KAT6A: variants seen among roughly 807,000 people sequenced by gnomAD.
The protein encoded by KAT6A is lysine acetyltransferase 6A.
A neutral mutation model predicts 198.4 loss-of-function variants in KAT6A; 9 were observed. The observed-to-expected ratio is 0.05, with a 90% CI of 0.03 to 0.08. The LOEUF is 0.08. Ranked by LOEUF, KAT6A falls within the 10% of genes least tolerant of loss-of-function variation. KAT6A has a pLI of 1.00. For synonymous variants in KAT6A, 890 were observed against 883.0 expected (o/e 1.01, Z -0.14); for missense variants, 2,077 against 2,509.9 (o/e 0.83, Z 3.69).
intron 2 of KAT6A, among the ~76,000 whole-genome samples, chr8:42,002,131 A>G (rs1021984095): frequency 2.0e-5 from 3 of 152,120 alleles, no homozygotes; most frequent in Admixed American, 6.6e-5. Context: ...AGACCTCACA[A>G]CTGTCCTATG....
At chr8:42,001,693 C>T (rs1475118155) in intron 2 of KAT6A, among the ~76,000 whole-genome samples, 2 of 152,136 alleles carry the variant, frequency 1.3e-5, no homozygotes, top group African/African-American at 4.8e-5. Flanking sequence ...GGGAACCTAG[C>T]CAGAAGTAAG....
At chr8:41,963,987 A>T (rs146951487) in intron 8 of KAT6A, among the ~76,000 whole-genome samples, 1 of 152,106 alleles carries the variant, frequency 6.6e-6, no homozygotes, top group African/African-American at 2.4e-5. Context: ...CCCTACACAA[A>T]TGTCACCTCC....
At chr8:41,989,225 G>A (rs1291938224) in intron 2 of KAT6A, among the ~76,000 whole-genome samples, 1 of 152,092 alleles carries the variant, frequency 6.6e-6, no homozygotes, top group South Asian at 2.1e-4. Flanking sequence ...AAATGCTTAT[G>A]TAGCCGGGCA....
intron 3 of KAT6A, among the ~76,000 whole-genome samples, chr8:41,984,467 C>G (rs970092721): frequency 6.6e-6 from 1 of 152,134 alleles, no homozygotes; most frequent in Non-Finnish European, 1.5e-5. Flanking sequence ...ATCGTGGAAG[C>G]CTTCAGATGA....
rs1346894755 is a variant in KAT6A at position 42,034,755 on chromosome 8, G to A, written c.600+13623C>T. On this transcript the variant is annotated intron_variant, in intron 2 of 16. Transcript: ENST00000265713. ...ATGGCTCTGGCTATCACAGAGGGCA[G>A]TACAGATATAGAACATTTCCATCAT... 2.6e-5 allele frequency among the ~76,000 whole-genome samples: 4 copies of A among 152,204 alleles called. No individual in the cohort carries two copies. In the South Asian group the frequency reaches 6.2e-4, roughly 24 times the overall value.
At position 41,930,272 on chromosome 8, in the gene KAT6A, C is replaced by A. The variant is rs1330839290; in HGVS notation, c.*1933G>T. The A allele has an allele frequency of 4.5e-6, 1 of 220,000 alleles. No homozygotes were observed. Among genetic ancestry groups the A allele is most frequent in the African/African-American group, 2.3e-5 (1 of 43,200 alleles). The allele number at this position is 220,000 out of a possible 1,614,324, so 13.6% of individuals were successfully genotyped here. On this transcript the variant is annotated 3_prime_UTR_variant, in exon 17 of 17. Coordinates refer to ENST00000265713, the MANE Select transcript of KAT6A (RefSeq NM_006766.5). ...CGACCCACCCCGTCCCCACCCCAAC[C>A]AGGAAGCAATGACACAGCTGAAGAT...
chr8:41,996,163 T>C (rs946636670), intron 2 of KAT6A, among the ~76,000 whole-genome samples: 2 of 152,206 alleles, frequency 1.3e-5, no homozygotes, highest in African/African-American at 4.8e-5. Flanking sequence ...TAAGACTGAA[T>C]TGAATGATAA....
intron 9 of KAT6A, among the ~76,000 whole-genome samples, chr8:41,951,818 G>A (rs531335723): frequency 8.5e-5 from 13 of 152,310 alleles, no homozygotes; most frequent in Non-Finnish European, 4.4e-5. Context: ...AATTTTTAAT[G>A]TAACAATAAA....
chr8:42,006,825 G>C (rs916244084), intron 2 of KAT6A, among the ~76,000 whole-genome samples: 7 of 151,802 alleles, frequency 4.6e-5, no homozygotes, highest in Non-Finnish European at 1.0e-4. Context: ...GTGAAACCCT[G>C]TTTCTACTAA....
At chr8:41,951,925 A>T (rs1469143061) in intron 9 of KAT6A, among the ~76,000 whole-genome samples, 1 of 152,194 alleles carries the variant, frequency 6.6e-6, no homozygotes, top group African/African-American at 2.4e-5. Flanking sequence ...AGGCCCAGTG[A>T]TTAATGGTTA....
rs758083988 is a variant in KAT6A at position 41,937,309 on chromosome 8, G to C, written c.3299C>G (p.Ser1100Cys). The C allele has an allele frequency of 5.0e-6, 8 of 1,613,732 alleles. No individual in the cohort carries two copies. Among genetic ancestry groups the C allele is most frequent in the Non-Finnish European group, 6.8e-6 (8 of 1,179,654 alleles). Residue 1100 changes from serine (S) to cysteine (C), a missense_variant, in exon 16 of 17, where the codon TCT becomes TGT. Transcript: ENST00000265713. Reference sequence around the variant, plus strand: ...TTCTTCATCTTTAGACTTCCTCTTAGAAGAGGACTGACACCTGAGTACATC... The same window carrying C: ...TTCTTCATCTTTAGACTTCCTCTTACAAGAGGACTGACACCTGAGTACATC... ...SQDVLRCQSS[S>C]KRKSKDEEED...
At chr8:41,957,669 ATAAC>A (rs1822989704) in intron 8 of KAT6A, 1 of 179,748 alleles carries the variant, frequency 5.6e-6, no homozygotes, top group East Asian at 1.6e-4. Context: ...TTAATCTAAG[ATAAC>A]TAACAGGGGG....
At chr8:42,004,199 G>A (rs776286215) in intron 2 of KAT6A, among the ~76,000 whole-genome samples, 7 of 152,114 alleles carry the variant, frequency 4.6e-5, no homozygotes, top group African/African-American at 7.2e-5. Flanking sequence ...AAATTAAGAC[G>A]TGTGCATTAA....
chr8:41,998,700 A>G (rs1825345519), intron 2 of KAT6A, among the ~76,000 whole-genome samples: 1 of 152,126 alleles, frequency 6.6e-6, no homozygotes, highest in African/African-American at 2.4e-5. Context: ...TAGATTCTAT[A>G]TCTTCAAGGA....
intron 16 of KAT6A, 31 bp from the exon 17 acceptor site, chr8:41,934,898 G>GT: frequency 6.6e-7 from 1 of 1,524,540 alleles, no homozygotes; most frequent in African/African-American, 1.4e-5. Flanking sequence ...ACAAAGACAG[G>GT]TTACAAGGTC....
At chr8:41,963,408 A>G (rs1290971173) in intron 8 of KAT6A, among the ~76,000 whole-genome samples, 2 of 152,114 alleles carry the variant, frequency 1.3e-5, no homozygotes, top group African/African-American at 4.8e-5. Context: ...CTATATTCCT[A>G]CATGTAATAC....
At position 41,930,488 on chromosome 8, in the gene KAT6A, T is replaced by G. The variant is rs1169513058; in HGVS notation, c.*1717A>C. 1 of 208,770 alleles carries G rather than the reference T, an allele frequency of 4.8e-6. No individual in the cohort carries two copies. Among genetic ancestry groups the G allele is most frequent in the East Asian group, 7.2e-5 (1 of 13,956 alleles). 12.9% of individuals were successfully genotyped at this position (208,770 alleles called of 1,614,324 possible). ...AGTGTATTAAAAAAACCAACAAACC[T>G]GTGCATTTGAAAAAAGTTAATGCCT... On this transcript the variant is annotated 3_prime_UTR_variant, in exon 17 of 17. Coordinates refer to ENST00000265713, the MANE Select transcript of KAT6A (RefSeq NM_006766.5).
chr8:41,999,527 C>T (rs975779291), intron 2 of KAT6A, among the ~76,000 whole-genome samples: 1 of 152,092 alleles, frequency 6.6e-6, no homozygotes, highest in Admixed American at 6.6e-5. Flanking sequence ...CCAGATTAAT[C>T]CTCCTTAAAT....
At chr8:41,966,318 C>T (rs958840083) in intron 8 of KAT6A, among the ~76,000 whole-genome samples, 4 of 151,998 alleles carry the variant, frequency 2.6e-5, no homozygotes, top group African/African-American at 9.7e-5. Flanking sequence ...AGCCTCGGTG[C>T]AAATTTTATC....
Sources: allele counts gnomAD v4.1 joint callset (sites outside exome capture counted in the v4.1 genomes callset), GRCh38; gene constraint gnomAD v4.1.1; transcripts MANE v1.5; gene names NCBI Gene and HGNC (gene_info 2026-07-23, HGNC 2026-07-21).